Variants in GREB1 observed in about 807,000 individuals in gnomAD.
GREB1 encodes protein GREB1.
Under a neutral mutation model 200.7 loss-of-function variants are expected in GREB1, and 106 were observed. That is an observed-to-expected ratio of 0.53 (90% CI 0.45 to 0.62). The LOEUF (loss-of-function observed/expected upper bound fraction) is 0.62. Among genes scored for constraint, GREB1 ranks in the 20% least tolerant of loss-of-function variants. The pLI, the probability that GREB1 is intolerant of heterozygous loss-of-function variation, is 0.00. For synonymous variants in GREB1, 1,132 were observed against 1,092.4 expected, an observed-to-expected ratio of 1.04 and a Z score of -0.72; for missense variants, 2,243 against 2,556.8, an observed-to-expected ratio of 0.88 and a Z score of 2.65.
rs752198201 is a variant in GREB1 at position 11,629,778 on chromosome 2, C to A, written c.4450-170C>A. ...GTGGCCTCGGGCGTGCTTGCCCTGT[C>A]AACAGACCTGGGTGTCTGCACTTTG... On this transcript the variant is annotated intron_variant, in intron 25 of 32. Transcript: ENST00000381486. This position sits in a 1 kb window ranked among gnomAD's most constrained non-coding sequence, Gnocchi z 5.2. Among the ~76,000 whole-genome samples, 15 of 152,166 alleles carry A rather than the reference C, an allele frequency of 9.9e-5. No individual in the cohort carries two copies. The highest frequency in any genetic ancestry group is 1.8e-4 in the Non-Finnish European group (12 of 68,036).
intron 1 of GREB1, among the ~76,000 whole-genome samples, chr2:11,544,371 C>T (rs1316119825): frequency 1.3e-5 from 2 of 152,048 alleles, no homozygotes; most frequent in Non-Finnish European, 2.9e-5. Context: ...CTCCCACCAC[C>T]ATGCCTGGCT....
Position 11,612,566 on chromosome 2 carries a change from C to G in GREB1, c.3078C>G (p.Ile1026Met). The G allele has an allele frequency of 6.2e-7, 1 of 1,612,784 alleles. No homozygotes were observed. Among genetic ancestry groups the G allele is most frequent in the Non-Finnish European group, 8.5e-7 (1 of 1,179,770 alleles). The change falls in exon 19 of 33, where the codon ATC becomes ATG. Residue 1026 changes from isoleucine to methionine, a missense_variant. Around this residue, in one of 3 missense-constraint regions of GREB1, gnomAD observed 1,178 missense variants for 1,387.4 expected, o/e 0.85. Coordinates refer to ENST00000381486, the MANE Select transcript of GREB1 (RefSeq NM_014668.4). ...TYLELEGLPC[I>M]LIFSGMDPHG... ...TGGAGCTGGAGGGTCTGCCTTGCAT[C>G]CTGATCTTCAGTGGGATGGACCCGC...
intron 25 of GREB1, among the ~76,000 whole-genome samples, chr2:11,628,343 G>A (rs1684626727): frequency 6.6e-6 from 1 of 152,182 alleles, no homozygotes; most frequent in Non-Finnish European, 1.5e-5. Context: ...ATGCCTGGCT[G>A]GGGAGCAGAG....
intron 1 of GREB1, among the ~76,000 whole-genome samples, chr2:11,519,449 G>GTTTTTTTTTTT (rs70955804): frequency 6.5e-5 from 5 of 77,004 alleles, no homozygotes; most frequent in African/African-American, 1.1e-4. Flanking sequence ...ACTTGTTTTG[G>GTTTTTTTTTTT]TTTTTTTTTT....
At chr2:11,515,144 C>A (rs1572573956) in intron 1 of GREB1, among the ~76,000 whole-genome samples, 1 of 132,574 alleles carries the variant, frequency 7.5e-6, no homozygotes, top group South Asian at 2.4e-4. Context: ...CCACCCACCC[C>A]CCATCCGTCC....
intron 24 of GREB1, among the ~76,000 whole-genome samples, chr2:11,626,399 C>T (rs533474046): frequency 3.9e-5 from 6 of 152,080 alleles, no homozygotes; most frequent in South Asian, 2.1e-4. Flanking sequence ...ACCAGCCTGG[C>T]TAACATGGCA....
At chr2:11,592,400 A>C (rs1434555806) in intron 10 of GREB1, among the ~76,000 whole-genome samples, 1 of 144,122 alleles carries the variant, frequency 6.9e-6, no homozygotes, top group Non-Finnish European at 1.5e-5. Context: ...CTTTTTTCCT[A>C]CTTTGTCATT....
At chr2:11,558,148 A>T (rs1332774973) in intron 2 of GREB1, among the ~76,000 whole-genome samples, 1 of 152,208 alleles carries the variant, frequency 6.6e-6, no homozygotes, top group Non-Finnish European at 1.5e-5. Flanking sequence ...GCTTGCTGGA[A>T]GCTTGAGTGA....
At chr2:11,541,741 A>G (rs1188351791) in intron 1 of GREB1, among the ~76,000 whole-genome samples, 2 of 152,088 alleles carry the variant, frequency 1.3e-5, no homozygotes, top group Non-Finnish European at 1.5e-5. Flanking sequence ...GACGTGGTTA[A>G]TTTCAAACAC....
chr2:11,498,015 A>G (rs924237469), intron 1 of GREB1, among the ~76,000 whole-genome samples: 9 of 98,286 alleles, frequency 9.2e-5, no homozygotes, highest in South Asian at 7.0e-4. Context: ...TTTTTTTTAA[A>G]GACAGAGTCT....
intron 1 of GREB1, among the ~76,000 whole-genome samples, chr2:11,519,152 G>T (rs995569553): frequency 2.7e-5 from 4 of 150,810 alleles, no homozygotes; most frequent in African/African-American, 9.7e-5. Flanking sequence ...TTTTTCCTTG[G>T]CAGATGTCTT....
chr2:11,572,921 C>T (rs1678456819), intron 4 of GREB1, among the ~76,000 whole-genome samples: 1 of 152,126 alleles, frequency 6.6e-6, no homozygotes, highest in Non-Finnish European at 1.5e-5. Context: ...AACTGGGACA[C>T]TGCTACTGAT....
At chr2:11,531,737 A>T (rs1432751323), upstream of GREB1, among the ~76,000 whole-genome samples, 1 of 152,010 alleles carries the variant, frequency 6.6e-6, no homozygotes. Context: ...TGACCAGCTA[A>T]TTTTTGTATT....
At chr2:11,528,805 C>G (rs1397808359) in intron 1 of GREB1, among the ~76,000 whole-genome samples, 2 of 151,944 alleles carry the variant, frequency 1.3e-5, no homozygotes, top group African/African-American at 4.8e-5. Flanking sequence ...AAAAGAATAA[C>G]CAGACAATAT....
At chr2:11,547,091 T>A (rs960900908) in intron 1 of GREB1, among the ~76,000 whole-genome samples, 3 of 152,056 alleles carry the variant, frequency 2.0e-5, no homozygotes, top group Non-Finnish European at 4.4e-5. Flanking sequence ...ATTACAGGTG[T>A]GCCACCACGC....
At chr2:11,545,968 G>A (rs532354244) in intron 1 of GREB1, among the ~76,000 whole-genome samples, 3 of 152,066 alleles carry the variant, frequency 2.0e-5, no homozygotes, top group Admixed American at 6.5e-5. Context: ...ACTTGAGGTC[G>A]GGAGTTCAAG....
intron 1 of GREB1, among the ~76,000 whole-genome samples, chr2:11,550,088 G>T (rs569900112): frequency 6.6e-5 from 10 of 152,096 alleles, no homozygotes; most frequent in African/African-American, 2.4e-4. Context: ...GTGAGGTGGC[G>T]GGCGCCTGTA....
chr2:11,567,841 G>A (rs1489385985), intron 4 of GREB1, among the ~76,000 whole-genome samples: 1 of 152,186 alleles, frequency 6.6e-6, no homozygotes, highest in East Asian at 1.9e-4. Context: ...CGGGGATCTG[G>A]GTTCCTGCCC....
chr2:11,489,291 C>T (rs1043499511), intron 1 of GREB1, among the ~76,000 whole-genome samples: 2 of 152,024 alleles, frequency 1.3e-5, no homozygotes, highest in Non-Finnish European at 2.9e-5. Context: ...ACTGAAAATA[C>T]AAAAATTAGC....
Sources: gnomAD v4.1 joint callset for allele counts (sites outside exome capture counted in the v4.1 genomes callset) on GRCh38, gnomAD v4.1.1 for gene constraint, gnomAD v4.1.1 regional missense constraint, Gnocchi (gnomAD v3.1) non-coding constraint, MANE v1.5 for transcripts, NCBI Gene and HGNC (gene_info 2026-07-23, HGNC 2026-07-21) for gene names.